CDH2: variants seen among roughly 807,000 people sequenced by gnomAD.
CDH2 encodes the protein cadherin 2, also known as cadherin-2.
Under a neutral mutation model 92.0 loss-of-function variants are expected in CDH2, and 17 were observed. The observed-to-expected ratio is 0.18, with a 90% CI of 0.13 to 0.28. The LOEUF (loss-of-function observed/expected upper bound fraction) is 0.28, where lower values mean the gene tolerates loss of function less well. Ranked by LOEUF, CDH2 falls within the 10% of genes least tolerant of loss-of-function variation. The pLI, the probability that CDH2 is intolerant of heterozygous loss-of-function variation, is 1.00. For missense variants in CDH2, 862 were observed against 1,133.1 expected (o/e 0.76, Z 3.44); for synonymous variants, 419 against 415.9 (o/e 1.01, Z -0.09).
At chr18:28,111,234 C>A (rs1457705503) in intron 2 of CDH2, among the ~76,000 whole-genome samples, 1 of 152,204 alleles carries the variant, frequency 6.6e-6, no homozygotes, top group Admixed American at 6.5e-5. Flanking sequence ...AGCTTAGCCT[C>A]AGCCTTCTCC....
chr18:27,935,495 G>A (rs546656647), intron 6 of CDH2, among the ~76,000 whole-genome samples: 195 of 152,220 alleles, frequency 1.3e-3, no homozygotes, highest in African/African-American at 4.4e-3. Context: ...CCAACGCTGG[G>A]GATTACAATT....
At chr18:28,016,576 C>T (rs975557224) in intron 2 of CDH2, among the ~76,000 whole-genome samples, 13 of 152,108 alleles carry the variant, frequency 8.5e-5, no homozygotes, top group African/African-American at 2.9e-4. Flanking sequence ...ACATGTTAAC[C>T]TTAAAAATGA....
At chr18:28,105,808 A>T (rs1015899682) in intron 2 of CDH2, among the ~76,000 whole-genome samples, 12 of 152,208 alleles carry the variant, frequency 7.9e-5, no homozygotes, top group African/African-American at 2.7e-4. Context: ...AAGTATCCTA[A>T]TACGTCTTAC....
intron 14 of CDH2, among the ~76,000 whole-genome samples, chr18:27,976,917 A>T (rs2011849784): frequency 6.6e-6 from 1 of 152,204 alleles, no homozygotes; most frequent in Admixed American, 6.5e-5. Context: ...GGTCCCAGGG[A>T]AAGTGAGATA....
intron 2 of CDH2, among the ~76,000 whole-genome samples, chr18:28,126,262 G>C (rs561442933): frequency 2.1e-4 from 32 of 152,180 alleles, no homozygotes; most frequent in African/African-American, 7.2e-4. Flanking sequence ...GATTAATGGG[G>C]CAGGGTGGGG....
At chr18:27,944,008 T>C (rs1909205877) in intron 6 of CDH2, among the ~76,000 whole-genome samples, 1 of 151,964 alleles carries the variant, frequency 6.6e-6, no homozygotes. Flanking sequence ...AAGATGGAGA[T>C]AAAACAGGAG....
intron 2 of CDH2, among the ~76,000 whole-genome samples, chr18:28,038,229 C>A (rs1053453999): frequency 8.5e-5 from 13 of 152,156 alleles, no homozygotes; most frequent in African/African-American, 2.9e-4. Context: ...TCGAGACCAG[C>A]CTGGGCAATA....
intron 2 of CDH2, among the ~76,000 whole-genome samples, chr18:28,130,797 A>T (rs34437101): frequency 0.012 from 1,895 of 152,332 alleles, 16 homozygotes; most frequent in Middle Eastern, 0.024. Flanking sequence ...TCAGAGCAAT[A>T]ACCCCTCTTT....
At chr18:28,001,266 T>C (rs1457127534) in intron 7 of CDH2, among the ~76,000 whole-genome samples, 2 of 152,356 alleles carry the variant, frequency 1.3e-5, no homozygotes, top group South Asian at 4.1e-4. Flanking sequence ...TTTTTAAACA[T>C]GGTTGGTCTG....
chr18:28,048,896 A>C (rs2014133929), intron 2 of CDH2, among the ~76,000 whole-genome samples: 1 of 152,124 alleles, frequency 6.6e-6, no homozygotes, highest in South Asian at 2.1e-4. Context: ...TTCTGCATGA[A>C]AAAAGAAAAG....
At chr18:28,138,212 C>T (rs11564338) in intron 2 of CDH2, among the ~76,000 whole-genome samples, 37,817 of 151,640 alleles carry the variant, frequency 0.25, 4,880 homozygotes, top group Middle Eastern at 0.37. Context: ...CTCCAGATAA[C>T]GTTGAAGCTA....
chr18:28,072,157 C>G (rs2014630030), intron 2 of CDH2, among the ~76,000 whole-genome samples: 1 of 152,108 alleles, frequency 6.6e-6, no homozygotes, highest in South Asian at 2.1e-4. Flanking sequence ...TCTCCTCTCC[C>G]ATTTTCGTGC....
chr18:28,062,165 C>A (rs2014416182), intron 2 of CDH2, among the ~76,000 whole-genome samples: 1 of 152,114 alleles, frequency 6.6e-6, no homozygotes. Flanking sequence ...CAATGAACAG[C>A]CTTATTTTTT....
intron 2 of CDH2, among the ~76,000 whole-genome samples, chr18:28,094,825 T>A (rs1412023845): frequency 6.8e-6 from 1 of 147,436 alleles, no homozygotes; most frequent in Admixed American, 6.8e-5. Flanking sequence ...ATTACTGCTA[T>A]AGTTCCTCCC....
intron 1 of CDH2, among the ~76,000 whole-genome samples, chr18:28,152,390 G>T (rs1487856075): frequency 6.6e-6 from 1 of 152,138 alleles, no homozygotes; most frequent in African/African-American, 2.4e-5. Context: ...TGCCCTTAAG[G>T]AGCTCAAGAT....
At chr18:28,165,707 A>G (rs181549228) in intron 1 of CDH2, among the ~76,000 whole-genome samples, 29 of 148,114 alleles carry the variant, frequency 2.0e-4, no homozygotes, top group Admixed American at 6.6e-4. Context: ...AGAGTCCCCA[A>G]TCTTTTTTTT....
chr18:28,034,229 T>A (rs965481898), intron 2 of CDH2, among the ~76,000 whole-genome samples: 6 of 152,150 alleles, frequency 3.9e-5, no homozygotes, highest in Middle Eastern at 6.8e-3. Context: ...TGCTAATATC[T>A]CATACGGCAC....
At chr18:27,959,512 T>G (rs937208772) in intron 15 of CDH2, 7 of 152,228 alleles carry the variant, frequency 4.6e-5, no homozygotes, top group African/African-American at 1.7e-4. Context: ...TCTTTCTTTC[T>G]AGGTGCTTTC....
At chr18:28,060,861 C>A (rs924566175) in intron 2 of CDH2, among the ~76,000 whole-genome samples, 1 of 152,144 alleles carries the variant, frequency 6.6e-6, no homozygotes, top group African/African-American at 2.4e-5. Flanking sequence ...CTATTGGATA[C>A]TCATTGTTTT....
Sources: allele counts gnomAD v4.1 joint callset (sites outside exome capture counted in the v4.1 genomes callset), GRCh38; gene constraint gnomAD v4.1.1; transcripts MANE v1.5; gene names NCBI Gene and HGNC (gene_info 2026-07-23, HGNC 2026-07-21).